Variants in SMARCA4 observed in about 807,000 individuals in gnomAD.
SMARCA4 encodes the protein SWI/SNF-related matrix-associated actin-dependent regulator of chromatin subfamily A member 4.
In SMARCA4, 31 loss-of-function variants were observed where a neutral mutation model predicts 193.9. The ratio of observed to expected loss-of-function variants is 0.16; its 90% confidence interval spans 0.12 to 0.22. The LOEUF is 0.22. SMARCA4 is among the 10% of genes least tolerant of loss of function. The pLI is 1.00. For synonymous variants in SMARCA4, 942 were observed against 933.1 expected (o/e 1.01, Z -0.17); for missense variants, 1,148 against 2,296.0 (o/e 0.50, Z 10.22).
rs2074851617 is a variant in SMARCA4, at chr19:11,030,527, G to T, written c.3383-203G>T. ...GCCTGTTTTCATTTCTGGGATGTGT[G>T]GAGAGACGTTTTGTGGTGAAACACT... is the stretch of plus-strand genomic sequence containing the variant. On this transcript the variant is annotated intron_variant, in intron 24 of 34. Coordinates refer to ENST00000344626, the MANE Select transcript of SMARCA4 (RefSeq NM_003072.5). The surrounding 1 kb of genome is among the most constrained non-coding windows in gnomAD (Gnocchi z 5.5). Among the ~76,000 whole-genome samples, 1 of 152,214 alleles carries T rather than the reference G, an allele frequency of 6.6e-6. No individual in the cohort carries two copies. Among genetic ancestry groups the T allele is most frequent in the South Asian group, 2.1e-4 (1 of 4,830 alleles).
rs372212874 is a variant in SMARCA4, at chr19:11,003,313, G to C, written c.1944-27G>C. The C allele has an allele frequency of 3.7e-6, 6 of 1,611,290 alleles. No individual in the cohort carries two copies. The African/African-American group carries it at 6.7e-5, about 18-fold the overall frequency. On this transcript the variant is annotated intron_variant, in intron 12 of 34. Coordinates refer to ENST00000344626, the MANE Select transcript of SMARCA4 (RefSeq NM_003072.5). ...AATTCTGCTGGCTCTGAGCAGATTT[G>C]TATGAAAGCCCTTACATTTTTTCTA...
At chr19:11,056,773 C>A (rs955293431) in intron 30 of SMARCA4, among the ~76,000 whole-genome samples, 1 of 152,324 alleles carries the variant, frequency 6.6e-6, no homozygotes, top group East Asian at 1.9e-4. Context: ...ACCAAACAAG[C>A]AGGAGGCCTT....
At chr19:11,022,358 C>T (rs961361763) in intron 19 of SMARCA4, among the ~76,000 whole-genome samples, 5 of 152,214 alleles carry the variant, frequency 3.3e-5, no homozygotes, top group Non-Finnish European at 7.3e-5. Context: ...GGGAAGGAAA[C>T]TTGGAAGATT....
chr19:11,062,036 A>G lies in SMARCA4; in HGVS notation c.*220A>G, dbSNP rs1354449801. On this transcript the variant is annotated 3_prime_UTR_variant, in exon 35 of 35. Transcript: ENST00000344626. ...ATCTGTAACAGCATTAACTGTCTTA[A>G]AGAGAGAGAGAGAGAATTCCGAATT... 4.0e-5 allele frequency: 24 copies of G among 595,106 alleles called. No individual in the cohort carries two copies. The highest frequency in any genetic ancestry group is 6.7e-5 in the Non-Finnish European group (22 of 330,518). The allele number at this position is 595,106 out of a possible 1,614,324, so 36.9% of individuals were successfully genotyped here. A position where few individuals can be genotyped will look rare whatever the true frequency, so the allele number is the denominator to read the frequency against.
intron 1 of SMARCA4, among the ~76,000 whole-genome samples, chr19:10,979,772 A>T (rs2085418634): frequency 6.6e-6 from 1 of 151,986 alleles, no homozygotes; most frequent in Admixed American, 6.6e-5. Context: ...ATTTTATTGG[A>T]AGTTCAATAA....
rs1343953383 is a variant in SMARCA4 at position 11,012,688 on chromosome 19, G to A, written c.2275-261G>A. On this transcript the variant is annotated intron_variant, in intron 15 of 34. Transcript: ENST00000344626. ...ATGTAACAGGTGGGAGTGAGCTGTTGAGATGTGTATTAGAAATGTCACACG... is the reference window on the plus strand; with the variant it reads ...ATGTAACAGGTGGGAGTGAGCTGTTAAGATGTGTATTAGAAATGTCACACG... 15 of 510,482 alleles carry A rather than the reference G, an allele frequency of 2.9e-5. No homozygotes were observed. The East Asian group carries it at 5.5e-4, about 19-fold the overall frequency. 31.6% of individuals were successfully genotyped at this position (510,482 alleles called of 1,614,324 possible).
chr19:11,018,778 CG>C, intron 16 of SMARCA4, 178 bp from the exon 17 acceptor site: 2 of 715,588 alleles, frequency 2.8e-6, no homozygotes, highest in Non-Finnish European at 5.2e-6. Flanking sequence ...GAGCCCTTCA[CG>C]TCCTCGCCAG....
At chr19:10,972,859 C>G (rs1196281575) in intron 1 of SMARCA4, among the ~76,000 whole-genome samples, 7 of 152,180 alleles carry the variant, frequency 4.6e-5, no homozygotes, top group African/African-American at 1.7e-4. Flanking sequence ...GCCTGTAATC[C>G]CAGCACTTTG....
chr19:10,967,016 C>T (rs1442960738), intron 1 of SMARCA4, among the ~76,000 whole-genome samples: 2 of 152,220 alleles, frequency 1.3e-5, no homozygotes, highest in Non-Finnish European at 2.9e-5. Flanking sequence ...CTGCCACCCT[C>T]ATAGGTGTCA....
chr19:11,017,267 C>T (rs1330656212), intron 16 of SMARCA4, among the ~76,000 whole-genome samples: 1 of 152,212 alleles, frequency 6.6e-6, no homozygotes, highest in African/African-American at 2.4e-5. Context: ...GCATCTTGAG[C>T]CACTAGAGCG....
Position 11,031,154 on chromosome 19 carries a change from AT to A in SMARCA4, c.3546+262del. The A allele has an allele frequency of 2.0e-6, 1 of 496,774 alleles. No individual in the cohort carries two copies. The highest frequency in any genetic ancestry group is 3.7e-6 in the Non-Finnish European group (1 of 270,490). The allele number at this position is 496,774 out of a possible 1,614,324, so 30.8% of individuals were successfully genotyped here. A position where few individuals can be genotyped will look rare whatever the true frequency, so the allele number is the denominator to read the frequency against. On this transcript the variant is annotated intron_variant, in intron 25 of 34. Transcript: ENST00000344626. The surrounding 1 kb of genome is among the most constrained non-coding windows in gnomAD (Gnocchi z 4.3). ...CATCCGTCGGTTTGGTTTTTCTTAAATCTTGGAATGGCACCCATGAGGAGGT... is the reference window on the plus strand; with the variant it reads ...CATCCGTCGGTTTGGTTTTTCTTAAACTTGGAATGGCACCCATGAGGAGGT...
chr19:11,051,579 C>A (rs1233203771), intron 30 of SMARCA4, among the ~76,000 whole-genome samples: 2 of 151,558 alleles, frequency 1.3e-5, no homozygotes, highest in Admixed American at 6.6e-5. Flanking sequence ...CAAATTCTGC[C>A]TCCTGGGTTC....
intron 13 of SMARCA4, 88 bp from the exon 14 acceptor site, chr19:11,007,814 C>G (rs2146185503): frequency 1.4e-6 from 2 of 1,433,424 alleles, no homozygotes; most frequent in Middle Eastern, 1.7e-4. Context: ...AAGAAGATCA[C>G]TTGCTTCTGA....
chr19:10,967,264 A>G (rs1004150025), intron 1 of SMARCA4, among the ~76,000 whole-genome samples: 63 of 152,102 alleles, frequency 4.1e-4, no homozygotes, highest in African/African-American at 1.4e-3. Flanking sequence ...TTTCCCTCCA[A>G]TTCCCTCAGG....
chr19:10,976,369 G>A (rs1274582498), intron 1 of SMARCA4, among the ~76,000 whole-genome samples: 3 of 152,076 alleles, frequency 2.0e-5, no homozygotes, highest in Admixed American at 6.6e-5. Flanking sequence ...CTTCAGGGAG[G>A]GTGAGCTGGC....
chr19:10,988,137 TGA>T, intron 6 of SMARCA4, among the ~76,000 whole-genome samples: 1 of 151,950 alleles, frequency 6.6e-6, no homozygotes, highest in South Asian at 2.1e-4. Context: ...TTTTTTTTTT[TGA>T]GACGGAGTTT....
chr19:11,014,203 A>G (rs996982480), intron 16 of SMARCA4, among the ~76,000 whole-genome samples: 14 of 152,128 alleles, frequency 9.2e-5, no homozygotes, highest in Non-Finnish European at 1.8e-4. Context: ...AACTCCTGGC[A>G]GGCTGGGGAG....
chr19:11,061,825 A>C lies in SMARCA4; in HGVS notation c.*9A>C, dbSNP rs369766168. On this transcript the variant is annotated 3_prime_UTR_variant, in exon 35 of 35. Coordinates refer to ENST00000344626, the MANE Select transcript of SMARCA4 (RefSeq NM_003072.5). ...GCAGCGAAGAAGACTGAGCCCCGAC[A>C]TTCCAGTCTCGACCCCGAGCCCCTC... The C allele has an allele frequency of 6.2e-7, 1 of 1,613,918 alleles. No homozygotes were observed. The highest frequency in any genetic ancestry group is 8.5e-7 in the Non-Finnish European group (1 of 1,179,850).
chr19:10,973,567 A>AT (rs35116273), intron 1 of SMARCA4, among the ~76,000 whole-genome samples: 5,976 of 125,596 alleles, frequency 0.048, 277 homozygotes, highest in Middle Eastern at 0.071. Flanking sequence ...CGCCCAGCTA[A>AT]TTTTTTTTTT....
Sources: gnomAD v4.1 joint callset for allele counts (sites outside exome capture counted in the v4.1 genomes callset) on GRCh38, gnomAD v4.1.1 for gene constraint, Gnocchi (gnomAD v3.1) non-coding constraint, MANE v1.5 for transcripts, NCBI Gene and HGNC (gene_info 2026-07-23, HGNC 2026-07-21) for gene names.